The following GABRA3 variants were observed in gnomAD, a reference collection of about 807,000 sequenced individuals.
GABRA3 encodes gamma-aminobutyric acid receptor subunit alpha-3.
In GABRA3, 10 loss-of-function variants were observed where a neutral mutation model predicts 30.1. That is an observed-to-expected ratio of 0.33 (90% CI 0.20 to 0.56). The LOEUF (loss-of-function observed/expected upper bound fraction) is 0.56, where lower values mean the gene tolerates loss of function less well. Among genes scored for constraint, GABRA3 ranks in the 20% least tolerant of loss-of-function variants. GABRA3 has a pLI of 0.89. For missense variants in GABRA3, 233 were observed against 392.0 expected (o/e 0.59, Z 3.42); for synonymous variants, 151 against 146.8 (o/e 1.03, Z -0.21).
intron 1 of GABRA3, among the ~76,000 whole-genome samples, chrX:152,444,531 A>G (rs1931013299): frequency 9.0e-6 from 1 of 110,696 alleles, no homozygotes; most frequent in Admixed American, 9.6e-5. Context: ...GTGTTAAGCA[A>G]CCTTTCCTGA....
At chrX:152,231,405 A>G (rs1938078217) in intron 5 of GABRA3, among the ~76,000 whole-genome samples, 1 of 110,477 alleles carries the variant, frequency 9.1e-6, no homozygotes, top group Non-Finnish European at 1.9e-5. Flanking sequence ...TAATAAGCAC[A>G]TGAAAAGATG....
At chrX:152,331,829 C>T (rs1940170591) in intron 3 of GABRA3, among the ~76,000 whole-genome samples, 1 of 111,500 alleles carries the variant, frequency 9.0e-6, no homozygotes, top group South Asian at 3.8e-4. Flanking sequence ...ACTACCAAAC[C>T]CCTGATGTAC....
At position 152,199,705 on chromosome X, in the gene GABRA3, T is replaced by C. The variant is rs185954171; in HGVS notation, c.779-1920A>G. 2.3e-3 allele frequency among the ~76,000 whole-genome samples: 249 copies of C among 110,183 alleles called. 1 individual carries two copies. The highest frequency in any genetic ancestry group is 7.9e-3 in the African/African-American group (238 of 30,198). On this transcript the variant is annotated intron_variant, in intron 7 of 9. Transcript: ENST00000370314. Reference sequence around the variant, plus strand: ...TAACATGAAAAATCAAGATTTTGGTTTTCACTCTCCCCATCCCCAACACCC... The same window carrying C: ...TAACATGAAAAATCAAGATTTTGGTCTTCACTCTCCCCATCCCCAACACCC...
chrX:152,397,505 T>A (rs1929690139), intron 1 of GABRA3, among the ~76,000 whole-genome samples: 1 of 111,443 alleles, frequency 9.0e-6, no homozygotes, highest in Admixed American at 9.6e-5. Context: ...ACATCAAAAC[T>A]CTAGATCTCG....
At chrX:152,215,524 G>A (rs745370437) in intron 6 of GABRA3, among the ~76,000 whole-genome samples, 1 of 111,011 alleles carries the variant, frequency 9.0e-6, no homozygotes, top group East Asian at 2.8e-4. Context: ...TCAACATGGT[G>A]CTGAGAAAAC....
chrX:152,182,670 T>C (rs1300460953), intron 9 of GABRA3, among the ~76,000 whole-genome samples: 2 of 85,631 alleles, frequency 2.3e-5, no homozygotes, highest in African/African-American at 8.7e-5. Context: ...AGTGTATATA[T>C]ACACTATATA....
At chrX:152,237,131 C>T (rs1324148964) in intron 5 of GABRA3, among the ~76,000 whole-genome samples, 1 of 111,273 alleles carries the variant, frequency 9.0e-6, no homozygotes, top group African/African-American at 3.3e-5. Context: ...GGTTTTAGGT[C>T]TAACGTTTAA....
chrX:152,404,671 G>A (rs1471484824), intron 1 of GABRA3, among the ~76,000 whole-genome samples: 1 of 109,362 alleles, frequency 9.1e-6, no homozygotes, highest in Non-Finnish European at 1.9e-5. Flanking sequence ...GGCAGAGGCT[G>A]AGTGAGGAGT....
At chrX:152,443,162 G>A (rs1240306474) in intron 1 of GABRA3, among the ~76,000 whole-genome samples, 2 of 111,693 alleles carry the variant, frequency 1.8e-5, no homozygotes, top group East Asian at 5.6e-4. Flanking sequence ...TTAAAAAAAT[G>A]TAAGTTCTTA....
At chrX:152,322,724 G>A in intron 3 of GABRA3, among the ~76,000 whole-genome samples, 1 of 107,817 alleles carries the variant, frequency 9.3e-6, no homozygotes, top group Non-Finnish European at 1.9e-5. Flanking sequence ...AGTAAAAATG[G>A]GGTTTCACCA....
intron 3 of GABRA3, among the ~76,000 whole-genome samples, chrX:152,323,410 C>T (rs1041900548): frequency 2.7e-5 from 3 of 111,583 alleles, no homozygotes; most frequent in African/African-American, 9.8e-5. Flanking sequence ...GGGAAAGTTT[C>T]CTCTCTGCTA....
chrX:152,250,229 GA>G (rs369096006), intron 5 of GABRA3, among the ~76,000 whole-genome samples: 58 of 110,917 alleles, frequency 5.2e-4, no homozygotes, highest in African/African-American at 1.8e-3. Context: ...TCCATTTCAG[GA>G]ATTTTATATT....
Position 152,407,827 on chromosome X carries a change from A to G in GABRA3, c.-26-43231T>C, listed in dbSNP as rs143771001. 4.1e-3 allele frequency among the ~76,000 whole-genome samples: 458 copies of G among 111,796 alleles called. 1 individual carries two copies. Among genetic ancestry groups the G allele is most frequent in the African/African-American group, 0.014 (420 of 30,772 alleles). On this transcript the variant is annotated intron_variant, in intron 1 of 9. Transcript: ENST00000370314. ...GAACATAGACGCTAAAATCCTCAAC[A>G]AAATACTAGTAAGCTGAATTAAACA...
At chrX:152,425,661 T>A (rs1356522347) in intron 1 of GABRA3, among the ~76,000 whole-genome samples, 1 of 111,069 alleles carries the variant, frequency 9.0e-6, no homozygotes. Flanking sequence ...CACATGATTG[T>A]TTTTTATGTT....
chrX:152,275,225 T>A (rs1426037799), intron 4 of GABRA3, among the ~76,000 whole-genome samples: 19 of 59,506 alleles, frequency 3.2e-4, no homozygotes, highest in Non-Finnish European at 5.0e-4. Context: ...TATATATATA[T>A]AATTTATATA....
At chrX:152,437,832 G>A (rs1652255240) in intron 1 of GABRA3, among the ~76,000 whole-genome samples, 1 of 111,871 alleles carries the variant, frequency 8.9e-6, no homozygotes, top group Admixed American at 9.5e-5. Context: ...GATGAATCTT[G>A]ACAAAGACCT....
chrX:152,244,999 A>G, intron 5 of GABRA3, among the ~76,000 whole-genome samples: 1 of 111,507 alleles, frequency 9.0e-6, no homozygotes, highest in Non-Finnish European at 1.9e-5. Context: ...TAGAGAAAAA[A>G]GGTTCCCACA....
At chrX:152,216,389 AACACACAC>A (rs60255687) in intron 6 of GABRA3, among the ~76,000 whole-genome samples, 2,175 of 77,556 alleles carry the variant, frequency 0.028, 25 homozygotes, top group South Asian at 0.043. Context: ...ATAATATATA[AACACACAC>A]ACACACACAC....
chrX:152,222,424 A>C (rs1461956818), intron 6 of GABRA3, among the ~76,000 whole-genome samples: 1 of 106,970 alleles, frequency 9.3e-6, no homozygotes, highest in East Asian at 3.0e-4. Flanking sequence ...TTTCTGTTAA[A>C]ATTATAGGTA....
Sources: allele counts gnomAD v4.1 joint callset (sites outside exome capture counted in the v4.1 genomes callset), GRCh38; gene constraint gnomAD v4.1.1; transcripts MANE v1.5; gene names NCBI Gene and HGNC (gene_info 2026-07-23, HGNC 2026-07-21).